AKAP12: variants seen among roughly 807,000 people sequenced by gnomAD.
The protein encoded by AKAP12 is A-kinase anchoring protein 12.
Under a neutral mutation model 79.9 loss-of-function variants are expected in AKAP12, and 32 were observed. The ratio of observed to expected loss-of-function variants is 0.40; its 90% CI spans 0.30 to 0.54. The LOEUF is 0.54. Among genes scored for constraint, AKAP12 ranks in the 20% least tolerant of loss-of-function variants. AKAP12 has a pLI of 0.48. For synonymous variants in AKAP12, 808 were observed against 857.0 expected (o/e 0.94, Z 1.00); for missense variants, 2,074 against 2,177.0 (o/e 0.95, Z 0.94).
At chr6:151,257,016 A>G (rs1002416235) in intron 2 of AKAP12, among the ~76,000 whole-genome samples, 2 of 151,812 alleles carry the variant, frequency 1.3e-5, no homozygotes, top group African/African-American at 4.8e-5. Flanking sequence ...CTTTGGTTAA[A>G]TGGAAAGATA....
rs1582889125 is a variant in AKAP12 at position 151,334,623 on chromosome 6, T to C, written c.320-14088T>C. On this transcript the variant is annotated intron_variant, in intron 3 of 4. Transcript: ENST00000402676. Reference sequence around the variant, plus strand: ...AAAATAAAAAAGAGTGCATCTCAACTTTTTTTTTTTTTCTTTGAGACGGAG... The same window carrying C: ...AAAATAAAAAAGAGTGCATCTCAACCTTTTTTTTTTTTCTTTGAGACGGAG... Among the ~76,000 whole-genome samples the C allele has an allele frequency of 7.1e-5, 3 of 42,036 alleles. No individual in the cohort carries two copies. The South Asian group carries it at 4.2e-3, about 59-fold the overall frequency. The allele number at this position is 42,036 out of a possible 152,430, so 27.6% of individuals were successfully genotyped here.
chr6:151,344,481 A>ACTC (rs1220874253), intron 3 of AKAP12, among the ~76,000 whole-genome samples: 1 of 151,988 alleles, frequency 6.6e-6, no homozygotes, highest in Non-Finnish European at 1.5e-5. Context: ...TCTAGGTCAC[A>ACTC]CTCTTGCCCT....
chr6:151,289,243 G>A (rs1370727975), intron 2 of AKAP12, among the ~76,000 whole-genome samples: 4 of 152,130 alleles, frequency 2.6e-5, no homozygotes, highest in East Asian at 3.8e-4. Flanking sequence ...GAGCGCAGAC[G>A]GGGAAATTCA....
At chr6:151,274,040 C>G (rs66729256) in intron 2 of AKAP12, among the ~76,000 whole-genome samples, 1 of 147,954 alleles carries the variant, frequency 6.8e-6, no homozygotes, top group Non-Finnish European at 1.5e-5. Context: ...AAAACAAAAA[C>G]AAAAAAGAAT....
chr6:151,253,091 G>A (rs954266055), intron 2 of AKAP12, among the ~76,000 whole-genome samples: 1 of 152,110 alleles, frequency 6.6e-6, no homozygotes, highest in Non-Finnish European at 1.5e-5. Flanking sequence ...ACAGGCCCTG[G>A]GTTTTACCTG....
chr6:151,325,526 T>G (rs1323334972), intron 3 of AKAP12: 1 of 984,698 alleles, frequency 1.0e-6, no homozygotes, highest in Non-Finnish European at 1.2e-6. Flanking sequence ...CGTGACCCCC[T>G]GCTTGTGCGG....
chr6:151,302,318 C>T (rs1156589048), intron 2 of AKAP12, among the ~76,000 whole-genome samples: 1 of 152,018 alleles, frequency 6.6e-6, no homozygotes, highest in Non-Finnish European at 1.5e-5. Context: ...TGTAACATCT[C>T]TTTTTTAAAT....
At position 151,350,771 on chromosome 6, in the gene AKAP12, C is replaced by A; in HGVS notation, c.2380C>A (p.Pro794Thr). 6.2e-7 allele frequency: 1 copy of A among 1,614,030 alleles called. No homozygotes were observed. The highest frequency in any genetic ancestry group is 8.5e-7 in the Non-Finnish European group (1 of 1,179,982). Residue 794 changes from proline (P) to threonine (T), a missense_variant, in exon 4 of 5, where the codon CCA becomes ACA. Around this residue, in one of 3 missense-constraint regions of AKAP12, gnomAD observed 1,428 missense variants for 1,451.0 expected, o/e 0.98. Transcript: ENST00000402676. The surrounding 1 kb of genome is among the most constrained non-coding windows in gnomAD (Gnocchi z 4.8). ...TGGGTCTGGTGTAGAACATTCCACT[C>A]CAGACACTGAACCCGGTAAAGAAGA... Reference protein sequence around the residue: ...IAGSGVEHSTPDTEPGKEESW... With the variant: ...IAGSGVEHSTTDTEPGKEESW...
Position 151,265,974 on chromosome 6 carries a change from A to T in AKAP12, c.162+25250A>T, listed in dbSNP as rs574603907. Among the ~76,000 whole-genome samples the T allele has an allele frequency of 2.6e-5, 4 of 152,216 alleles. No individual in the cohort carries two copies. The South Asian group carries it at 8.3e-4, about 32-fold the overall frequency. ...TGTTTTCAGGTTCCTGGACTCCAGG[A>T]TTTGGGGGACTGGACTGATGATGGT... On this transcript the variant is annotated intron_variant, in intron 2 of 4. Transcript: ENST00000402676.
intron 3 of AKAP12, among the ~76,000 whole-genome samples, chr6:151,345,079 A>C: frequency 6.7e-6 from 1 of 148,598 alleles, no homozygotes. Context: ...ACTAGTTATA[A>C]TTTTTTTTTT....
intron 3 of AKAP12, among the ~76,000 whole-genome samples, chr6:151,320,626 A>C (rs1253664081): frequency 1.3e-5 from 2 of 151,934 alleles, no homozygotes; most frequent in African/African-American, 2.4e-5. Flanking sequence ...ACAGATTCGC[A>C]CTGCATCTTT....
intron 2 of AKAP12, among the ~76,000 whole-genome samples, chr6:151,247,614 C>A (rs952525068): frequency 6.6e-6 from 1 of 152,066 alleles, no homozygotes; most frequent in Non-Finnish European, 1.5e-5. Context: ...TTTAAAATTT[C>A]TTCTCTTGGA....
chr6:151,306,605 T>A (rs371117649), intron 3 of AKAP12, among the ~76,000 whole-genome samples: 1 of 152,198 alleles, frequency 6.6e-6, no homozygotes, highest in Non-Finnish European at 1.5e-5. Context: ...GTAAATTGAT[T>A]CGTGTAATAT....
intron 3 of AKAP12, among the ~76,000 whole-genome samples, chr6:151,317,760 T>A (rs1173502881): frequency 6.6e-6 from 1 of 152,190 alleles, no homozygotes; most frequent in Non-Finnish European, 1.5e-5. Flanking sequence ...AACATCAATA[T>A]ATGTTGACAT....
At chr6:151,271,761 G>A (rs1054250504) in intron 2 of AKAP12, among the ~76,000 whole-genome samples, 3 of 152,190 alleles carry the variant, frequency 2.0e-5, no homozygotes, top group African/African-American at 7.2e-5. Context: ...CCGGGTTCAA[G>A]TGATTCTCAT....
At chr6:151,301,056 T>C (rs1562728025) in intron 2 of AKAP12, among the ~76,000 whole-genome samples, 1 of 152,166 alleles carries the variant, frequency 6.6e-6, no homozygotes, top group Admixed American at 6.5e-5. Flanking sequence ...TTCTTTCTTG[T>C]TTGGTAACAG....
Position 151,330,441 on chromosome 6 carries a change from A to G in AKAP12, c.320-18270A>G, listed in dbSNP as rs558997148. Among the ~76,000 whole-genome samples the G allele has an allele frequency of 2.1e-4, 32 of 152,296 alleles. No homozygotes were observed. The South Asian group carries it at 3.1e-3, about 15-fold the overall frequency. On this transcript the variant is annotated intron_variant, in intron 3 of 4. Transcript: ENST00000402676. ...ACAAGGGAGATTGGGTGTGTAGCCT[A>G]TAAGGGATGGACTTAGAATGCAGAG...
At chr6:151,242,808 A>G (rs1194351124) in intron 2 of AKAP12, among the ~76,000 whole-genome samples, 2 of 152,226 alleles carry the variant, frequency 1.3e-5, no homozygotes, top group African/African-American at 2.4e-5. Flanking sequence ...GTGCCGACCA[A>G]CGGTGTTCCT....
intron 2 of AKAP12, among the ~76,000 whole-genome samples, chr6:151,276,896 G>A (rs1776299851): frequency 6.6e-6 from 1 of 152,124 alleles, no homozygotes; most frequent in African/African-American, 2.4e-5. Context: ...ATCTTTTATG[G>A]AATGGTATGG....
Sources: gnomAD v4.1 joint callset for allele counts (sites outside exome capture counted in the v4.1 genomes callset) on GRCh38, gnomAD v4.1.1 for gene constraint, gnomAD v4.1.1 regional missense constraint, Gnocchi (gnomAD v3.1) non-coding constraint, MANE v1.5 for transcripts, NCBI Gene and HGNC (gene_info 2026-07-23, HGNC 2026-07-21) for gene names.